The following MALRD1 variants were observed in gnomAD, a reference collection of about 807,000 sequenced individuals.
MALRD1 encodes the protein MAM and LDL receptor class A domain containing 1, also known as MAM and LDL-receptor class A domain-containing protein 1.
Under a neutral mutation model 242.1 loss-of-function variants are expected in MALRD1, and 247 were observed. The ratio of observed to expected loss-of-function variants is 1.02; its 90% CI spans 0.92 to 1.13. The LOEUF (loss-of-function observed/expected upper bound fraction) is 1.13. Among genes scored for constraint, MALRD1 ranks in the 50% most tolerant of loss-of-function variants. The pLI is 0.00. For missense variants in MALRD1, 2,989 were observed against 2,533.1 expected (o/e 1.18, Z -3.86); for synonymous variants, 995 against 866.6 (o/e 1.15, Z -2.60).
intron 29 of MALRD1, among the ~76,000 whole-genome samples, chr10:19,454,664 A>T (rs181675843): frequency 1.3e-5 from 2 of 151,020 alleles, no homozygotes; most frequent in African/African-American, 4.9e-5. Flanking sequence ...TGTAAAGTTG[A>T]AGGATTATAA....
At chr10:19,546,855 A>C (rs1835229264) in intron 32 of MALRD1, among the ~76,000 whole-genome samples, 1 of 152,040 alleles carries the variant, frequency 6.6e-6, no homozygotes, top group South Asian at 2.1e-4. Context: ...ACATTTTTGG[A>C]GAGTATAGGT....
At chr10:19,337,269 C>T (rs1843655326) in intron 24 of MALRD1, among the ~76,000 whole-genome samples, 1 of 151,988 alleles carries the variant, frequency 6.6e-6, no homozygotes. Flanking sequence ...AAGAGGTGAT[C>T]AGTGCTATGA....
At chr10:19,508,976 A>G (rs1271466283) in intron 31 of MALRD1, among the ~76,000 whole-genome samples, 1 of 152,196 alleles carries the variant, frequency 6.6e-6, no homozygotes, top group East Asian at 1.9e-4. Flanking sequence ...AGTGGCAAAG[A>G]TGGTCTATTT....
At chr10:19,563,646 C>T (rs1011226239) in intron 32 of MALRD1, among the ~76,000 whole-genome samples, 2 of 152,178 alleles carry the variant, frequency 1.3e-5, no homozygotes, top group African/African-American at 4.8e-5. Flanking sequence ...GACCTGCCTT[C>T]AACATTGCAG....
At chr10:19,278,233 A>G (rs1242018921) in intron 19 of MALRD1, among the ~76,000 whole-genome samples, 1 of 152,208 alleles carries the variant, frequency 6.6e-6, no homozygotes, top group East Asian at 1.9e-4. Flanking sequence ...GCATTCACAC[A>G]AGTTTTTTCT....
At chr10:19,699,395 T>C (rs1833519264) in intron 38 of MALRD1, among the ~76,000 whole-genome samples, 2 of 152,054 alleles carry the variant, frequency 1.3e-5, no homozygotes, top group South Asian at 4.1e-4. Context: ...AGCTGGAGTT[T>C]ACTTTCAGTC....
chr10:19,297,699 C>G, intron 21 of MALRD1, among the ~76,000 whole-genome samples: 1 of 150,694 alleles, frequency 6.6e-6, no homozygotes, highest in Non-Finnish European at 1.5e-5. Context: ...ATATTTTATG[C>G]AAGTAACAGG....
intron 36 of MALRD1, among the ~76,000 whole-genome samples, chr10:19,624,552 T>C (rs925357877): frequency 1.3e-5 from 2 of 152,076 alleles, no homozygotes; most frequent in African/African-American, 2.4e-5. Context: ...TAATAGTATG[T>C]GTAATTTAGC....
intron 5 of MALRD1, among the ~76,000 whole-genome samples, chr10:19,112,392 C>A (rs1448525854): frequency 6.6e-6 from 1 of 151,990 alleles, no homozygotes; most frequent in Non-Finnish European, 1.5e-5. Flanking sequence ...AAATCCTATA[C>A]CTATGGAGGA....
intron 33 of MALRD1, among the ~76,000 whole-genome samples, chr10:19,569,083 G>A (rs551004601): frequency 5.3e-5 from 8 of 151,910 alleles, no homozygotes; most frequent in East Asian, 1.9e-4. Context: ...ATTCTAGATC[G>A]ATATTCATAT....
chr10:19,646,371 AG>A (rs1463048541), intron 36 of MALRD1, among the ~76,000 whole-genome samples: 2 of 152,174 alleles, frequency 1.3e-5, no homozygotes, highest in African/African-American at 4.8e-5. Context: ...CGGGAGGCCG[AG>A]GGGGGCAGAT....
At chr10:19,329,895 G>A (rs1048181032) in intron 23 of MALRD1, among the ~76,000 whole-genome samples, 1 of 152,166 alleles carries the variant, frequency 6.6e-6, no homozygotes, top group Admixed American at 6.6e-5. Context: ...AACAAGGCAA[G>A]TATCTGAGAT....
At chr10:19,625,875 A>G (rs1839630844) in intron 36 of MALRD1, among the ~76,000 whole-genome samples, 1 of 152,182 alleles carries the variant, frequency 6.6e-6, no homozygotes, top group Non-Finnish European at 1.5e-5. Flanking sequence ...GGTGGAATAC[A>G]GAACAAATTA....
intron 26 of MALRD1, among the ~76,000 whole-genome samples, chr10:19,385,973 G>A (rs546293289): frequency 1.3e-5 from 2 of 152,196 alleles, no homozygotes; most frequent in South Asian, 4.1e-4. Flanking sequence ...GTCATAGACA[G>A]AGTCCATGGT....
chr10:19,558,240 T>C (rs1438548058), intron 32 of MALRD1, among the ~76,000 whole-genome samples: 1 of 152,098 alleles, frequency 6.6e-6, no homozygotes, highest in Non-Finnish European at 1.5e-5. Context: ...CCCCCCTTTT[T>C]TCTATTATTA....
chr10:19,119,739 A>G (rs1404021835), intron 5 of MALRD1, among the ~76,000 whole-genome samples: 1 of 152,188 alleles, frequency 6.6e-6, no homozygotes, highest in South Asian at 2.1e-4. Context: ...GACTAATGTT[A>G]GTCCTACAAA....
At chr10:19,548,254 C>T (rs1168563764) in intron 32 of MALRD1, among the ~76,000 whole-genome samples, 3 of 151,832 alleles carry the variant, frequency 2.0e-5, no homozygotes, top group Admixed American at 6.6e-5. Context: ...CCCCCTCTGC[C>T]GCCCAAAGTT....
intron 26 of MALRD1, among the ~76,000 whole-genome samples, chr10:19,381,164 G>C (rs1032173088): frequency 1.0e-4 from 15 of 149,010 alleles, no homozygotes; most frequent in African/African-American, 3.7e-4. Flanking sequence ...GCGGTGTTCG[G>C]TTTTTTGTTC....
At chr10:19,683,348 G>T (rs1676198577) in intron 36 of MALRD1, among the ~76,000 whole-genome samples, 1 of 152,228 alleles carries the variant, frequency 6.6e-6, no homozygotes. Flanking sequence ...AGAATTTATA[G>T]CAGAAAGCTG....
Sources: allele counts gnomAD v4.1 joint callset (sites outside exome capture counted in the v4.1 genomes callset), GRCh38; gene constraint gnomAD v4.1.1; transcripts MANE v1.5; gene names NCBI Gene and HGNC (gene_info 2026-07-23, HGNC 2026-07-21).